Variants in PRKCE observed in about 807,000 individuals in gnomAD.
PRKCE encodes the protein protein kinase C epsilon type.
A neutral mutation model predicts 85.4 loss-of-function variants in PRKCE; 16 were observed. That is an observed-to-expected ratio of 0.19 (90% confidence interval 0.13 to 0.28). The LOEUF (loss-of-function observed/expected upper bound fraction) is 0.28. PRKCE is among the 10% of genes least tolerant of loss of function. The pLI, the probability that PRKCE is intolerant of heterozygous loss-of-function variation, is 1.00. For synonymous variants in PRKCE, 388 were observed against 371.5 expected (o/e 1.04, Z -0.51); for missense variants, 573 against 975.2 (o/e 0.59, Z 5.49).
chr2:45,770,258 A>C (rs1685211195), intron 1 of PRKCE, among the ~76,000 whole-genome samples: 1 of 152,126 alleles, frequency 6.6e-6, no homozygotes, highest in Non-Finnish European at 1.5e-5. Context: ...GGTCAGGGAC[A>C]ATCTGGAAAT....
chr2:46,045,056 C>T (rs918730575), intron 10 of PRKCE, among the ~76,000 whole-genome samples: 1 of 152,114 alleles, frequency 6.6e-6, no homozygotes, highest in African/African-American at 2.4e-5. Context: ...TTTTAAGCTC[C>T]GGGTTGTGTT....
intron 1 of PRKCE, among the ~76,000 whole-genome samples, chr2:45,792,862 G>A (rs1487179475): frequency 2.0e-5 from 3 of 152,140 alleles, no homozygotes; most frequent in African/African-American, 7.2e-5. Context: ...ACAGTGGCAC[G>A]ATCTCGGCTC....
At chr2:45,997,967 C>A (rs546304582) in intron 6 of PRKCE, among the ~76,000 whole-genome samples, 1 of 152,272 alleles carries the variant, frequency 6.6e-6, no homozygotes, top group East Asian at 1.9e-4. Flanking sequence ...TTTGAGCTAT[C>A]TTTCTCTTAT....
chr2:45,930,979 G>T (rs980817707), intron 2 of PRKCE, among the ~76,000 whole-genome samples: 4 of 152,170 alleles, frequency 2.6e-5, no homozygotes, highest in Non-Finnish European at 5.9e-5. Flanking sequence ...ACATAATTGT[G>T]TCCCTGATCC....
intron 2 of PRKCE, among the ~76,000 whole-genome samples, chr2:45,948,698 A>C (rs773401794): frequency 1.3e-5 from 2 of 152,184 alleles, no homozygotes; most frequent in African/African-American, 4.8e-5. Flanking sequence ...AGTCAGTTCA[A>C]GTCTCCTTGT....
intron 1 of PRKCE, among the ~76,000 whole-genome samples, chr2:45,755,506 T>C (rs884400): frequency 0.62 from 94,025 of 152,016 alleles, 29,479 homozygotes; most frequent in African/African-American, 0.71. Flanking sequence ...TGCTGAGAAA[T>C]GCTTATTGAC....
intron 10 of PRKCE, among the ~76,000 whole-genome samples, chr2:46,012,678 C>G (rs951820392): frequency 1.3e-5 from 2 of 152,162 alleles, no homozygotes; most frequent in Non-Finnish European, 2.9e-5. Context: ...CTCTATGGAG[C>G]CCCTGTACGT....
At chr2:46,027,749 G>T (rs534515873) in intron 10 of PRKCE, among the ~76,000 whole-genome samples, 1 of 152,208 alleles carries the variant, frequency 6.6e-6, no homozygotes, top group East Asian at 1.9e-4. Context: ...TTGGCAGTAT[G>T]ATCTGTCTCA....
At chr2:45,787,197 G>A (rs1039213137) in intron 1 of PRKCE, among the ~76,000 whole-genome samples, 1 of 152,220 alleles carries the variant, frequency 6.6e-6, no homozygotes, top group Non-Finnish European at 1.5e-5. Context: ...ACAGGAGCTG[G>A]TGATAGCTGG....
At chr2:45,929,144 T>G (rs1698849721) in intron 2 of PRKCE, among the ~76,000 whole-genome samples, 1 of 152,248 alleles carries the variant, frequency 6.6e-6, no homozygotes, top group African/African-American at 2.4e-5. Context: ...AGACTTGTCA[T>G]GATCTGCTCG....
chr2:46,021,403 C>G (rs1706649175), intron 10 of PRKCE, among the ~76,000 whole-genome samples: 1 of 152,160 alleles, frequency 6.6e-6, no homozygotes, highest in African/African-American at 2.4e-5. Flanking sequence ...GCAGAGATAT[C>G]TGTGAGCAGG....
intron 1 of PRKCE, among the ~76,000 whole-genome samples, chr2:45,732,726 T>C (rs1681687610): frequency 6.6e-6 from 1 of 152,204 alleles, no homozygotes; most frequent in Non-Finnish European, 1.5e-5. Flanking sequence ...CACTATTTGG[T>C]ATTTTCCTAT....
chr2:45,852,969 C>T (rs1052752214), intron 2 of PRKCE, among the ~76,000 whole-genome samples: 1 of 152,186 alleles, frequency 6.6e-6, no homozygotes, highest in East Asian at 1.9e-4. Flanking sequence ...GTCCCTGAAC[C>T]GCACTTGGAG....
intron 11 of PRKCE, among the ~76,000 whole-genome samples, chr2:46,129,289 C>T (rs1232506283): frequency 6.6e-6 from 1 of 152,180 alleles, no homozygotes; most frequent in African/African-American, 2.4e-5. Context: ...AGAATGATAC[C>T]TCCCATCCAA....
chr2:45,696,009 A>G (rs527963922), intron 1 of PRKCE, among the ~76,000 whole-genome samples: 10 of 152,080 alleles, frequency 6.6e-5, no homozygotes, highest in Admixed American at 4.6e-4. Flanking sequence ...TTACATATGT[A>G]TACATGTGCC....
intron 1 of PRKCE, among the ~76,000 whole-genome samples, chr2:45,692,619 C>G (rs1677821438): frequency 6.6e-6 from 1 of 152,088 alleles, no homozygotes; most frequent in Admixed American, 6.6e-5. Flanking sequence ...CCTCAAGATG[C>G]TTCCAATTCA....
At chr2:45,839,125 T>TA (rs35178972) in intron 1 of PRKCE, among the ~76,000 whole-genome samples, 12 of 150,954 alleles carry the variant, frequency 7.9e-5, no homozygotes, top group African/African-American at 2.2e-4. Flanking sequence ...GGTGCTTAGT[T>TA]AAAAAAAAAA....
At chr2:45,744,497 T>C (rs1330624628) in intron 1 of PRKCE, among the ~76,000 whole-genome samples, 15 of 54,692 alleles carry the variant, frequency 2.7e-4, no homozygotes, top group Non-Finnish European at 1.8e-4. Context: ...TTTTCTTTCT[T>C]TCTTTTCTTT....
At chr2:45,856,479 C>T (rs953216025) in intron 2 of PRKCE, among the ~76,000 whole-genome samples, 1 of 152,232 alleles carries the variant, frequency 6.6e-6, no homozygotes, top group African/African-American at 2.4e-5. Flanking sequence ...GATCCACCCA[C>T]CTCGGCCTCC....
Sources: gnomAD v4.1 joint callset for allele counts (sites outside exome capture counted in the v4.1 genomes callset) on GRCh38, gnomAD v4.1.1 for gene constraint, MANE v1.5 for transcripts, NCBI Gene and HGNC (gene_info 2026-07-23, HGNC 2026-07-21) for gene names.